MAF: variants seen among roughly 807,000 people sequenced by gnomAD.
MAF encodes MAF bZIP transcription factor, also known as transcription factor Maf.
In MAF, 10 loss-of-function variants were observed where a neutral mutation model predicts 22.0. The observed-to-expected ratio is 0.45, with a 90% CI of 0.28 to 0.77. The LOEUF is 0.77. Ranked by LOEUF, MAF falls within the 30% of genes least tolerant of loss-of-function variation. MAF has a pLI of 0.12. For synonymous variants in MAF, 337 were observed against 255.8 expected, an observed-to-expected ratio of 1.32 and a Z score of -3.03; for missense variants, 544 against 548.4, an observed-to-expected ratio of 0.99 and a Z score of 0.08.
chr16:79,596,975 T>A, intron 1 of MAF: 1 of 1,051,648 alleles, frequency 9.5e-7, no homozygotes, highest in Non-Finnish European at 1.1e-6. Context: ...AAAACATACA[T>A]TTTTGAATGT....
chr16:79,221,193 T>TA, the MAF span, among the ~76,000 whole-genome samples: 1 of 152,224 alleles, frequency 6.6e-6, no homozygotes, highest in Non-Finnish European at 1.5e-5. Flanking sequence ...AGCTTGCCCT[T>TA]AAACTTGGTT....
chr16:79,290,846 G>T, the MAF span, among the ~76,000 whole-genome samples: 1 of 152,022 alleles, frequency 6.6e-6, no homozygotes, highest in Non-Finnish European at 1.5e-5. Context: ...TCCTCCATGA[G>T]AAAGCACCCT....
chr16:79,377,271 C>T, the MAF span, among the ~76,000 whole-genome samples: 1 of 152,202 alleles, frequency 6.6e-6, no homozygotes, highest in Non-Finnish European at 1.5e-5. Context: ...TCTCTGATGG[C>T]CAGTGATGAT....
At chr16:79,438,971 C>A in the MAF span, among the ~76,000 whole-genome samples, 1 of 152,088 alleles carries the variant, frequency 6.6e-6, no homozygotes, top group African/African-American at 2.4e-5. Flanking sequence ...TTAACAATTA[C>A]ATCGAAAGAG....
the MAF span, among the ~76,000 whole-genome samples, chr16:79,334,189 C>G: frequency 0.01 from 1,538 of 152,326 alleles, 24 homozygotes; most frequent in Non-Finnish European, 0.011. Context: ...GAACAGAAGA[C>G]AACCCAAGTG....
At chr16:79,406,279 G>A in the MAF span, among the ~76,000 whole-genome samples, 1 of 152,216 alleles carries the variant, frequency 6.6e-6, no homozygotes, top group Non-Finnish European at 1.5e-5. Flanking sequence ...CCAAGACAGA[G>A]TGGTCTGGCA....
At chr16:79,334,635 G>C in the MAF span, among the ~76,000 whole-genome samples, 1 of 152,172 alleles carries the variant, frequency 6.6e-6, no homozygotes, top group African/African-American at 2.4e-5. Context: ...AGCAACAGCA[G>C]AGCATTCAAT....
the MAF span, among the ~76,000 whole-genome samples, chr16:79,422,362 T>C: frequency 3.9e-5 from 6 of 152,200 alleles, no homozygotes; most frequent in Non-Finnish European, 1.5e-5. Flanking sequence ...TTATTAGTGC[T>C]CCAATAAAAT....
At chr16:79,520,059 A>G in the MAF span, among the ~76,000 whole-genome samples, 3 of 152,180 alleles carry the variant, frequency 2.0e-5, no homozygotes, top group African/African-American at 7.2e-5. Flanking sequence ...CGTTGGGTCA[A>G]AAGGTTCGCA....
the MAF span, among the ~76,000 whole-genome samples, chr16:79,568,828 A>G: frequency 6.6e-6 from 1 of 152,194 alleles, no homozygotes; most frequent in African/African-American, 2.4e-5. Flanking sequence ...AAATGGCAAT[A>G]ATAGATCATG....
chr16:79,387,184 TTC>T, the MAF span, among the ~76,000 whole-genome samples: 2 of 152,182 alleles, frequency 1.3e-5, no homozygotes, highest in South Asian at 4.1e-4. Context: ...GCTCTCTCTT[TTC>T]TATGCCTTAC....
the MAF span, among the ~76,000 whole-genome samples, chr16:79,370,273 G>A: frequency 1.4e-3 from 214 of 152,300 alleles, 2 homozygotes; most frequent in African/African-American, 5.0e-3. Flanking sequence ...GGTTGAGACT[G>A]GAGGTTATCT....
At chr16:79,271,068 C>A in the MAF span, among the ~76,000 whole-genome samples, 1 of 137,894 alleles carries the variant, frequency 7.3e-6, no homozygotes, top group African/African-American at 2.9e-5. Flanking sequence ...GCCTGGCTTT[C>A]TGGCATTTTT....
At chr16:79,549,198 G>C in the MAF span, among the ~76,000 whole-genome samples, 1 of 152,100 alleles carries the variant, frequency 6.6e-6, no homozygotes, top group African/African-American at 2.4e-5. Context: ...CTGCAAGAGT[G>C]TCCAGTGGCA....
At chr16:79,594,699 GAGTT>G in intron 1 of MAF, 146 bp from the exon 2 acceptor site, 1 of 1,444,490 alleles carries the variant, frequency 6.9e-7, no homozygotes, top group South Asian at 1.4e-5. Flanking sequence ...CAGGATTTAG[GAGTT>G]CTTTGTAAGA....
chr16:79,545,200 G>C, the MAF span, among the ~76,000 whole-genome samples: 1 of 152,158 alleles, frequency 6.6e-6, no homozygotes, highest in African/African-American at 2.4e-5. Flanking sequence ...AGTGAGAAAG[G>C]GCAGAACATG....
chr16:79,283,162 G>T, the MAF span, among the ~76,000 whole-genome samples: 12 of 152,172 alleles, frequency 7.9e-5, no homozygotes, highest in Non-Finnish European at 1.5e-4. Context: ...TATTTATGGC[G>T]TGAGTGGATA....
At chr16:79,459,356 G>A in the MAF span, among the ~76,000 whole-genome samples, 2 of 152,098 alleles carry the variant, frequency 1.3e-5, no homozygotes, top group Non-Finnish European at 2.9e-5. Context: ...TGACTGCAGC[G>A]ATCACAACAT....
chr16:79,482,658 C>T, the MAF span, among the ~76,000 whole-genome samples: 737 of 152,238 alleles, frequency 4.8e-3, 9 homozygotes, highest in African/African-American at 0.017. Flanking sequence ...GGAGCATGCT[C>T]ACAGCGTGGC....
Sources: gnomAD v4.1 joint callset for allele counts (sites outside exome capture counted in the v4.1 genomes callset) on GRCh38, gnomAD v4.1.1 for gene constraint, MANE v1.5 for transcripts, NCBI Gene and HGNC (gene_info 2026-07-23, HGNC 2026-07-21) for gene names.